The following B4GALT1 variants were observed in gnomAD, a reference collection of about 807,000 sequenced individuals.
The protein encoded by B4GALT1 is beta-1,4-galactosyltransferase 1.
In B4GALT1, 16 loss-of-function variants were observed where a neutral mutation model predicts 34.9. The observed-to-expected ratio is 0.46, with a 90% CI of 0.31 to 0.70. The LOEUF is 0.70. Ranked by LOEUF, B4GALT1 falls within the 30% of genes least tolerant of loss-of-function variation. B4GALT1 has a pLI of 0.05. For missense variants in B4GALT1, 445 were observed against 530.5 expected, an observed-to-expected ratio of 0.84 and a Z score of 1.58; for synonymous variants, 221 against 218.1, an observed-to-expected ratio of 1.01 and a Z score of -0.12.
intron 2 of B4GALT1, among the ~76,000 whole-genome samples, chr9:33,121,526 CTTT>C (rs35406954): frequency 0.06 from 7,810 of 130,666 alleles, 252 homozygotes; most frequent in Non-Finnish European, 0.07. Context: ...CCATGCCCGG[CTTT>C]TTTTTTTTTT....
At chr9:33,160,852 T>G (rs974615059) in intron 1 of B4GALT1, among the ~76,000 whole-genome samples, 2 of 152,184 alleles carry the variant, frequency 1.3e-5, no homozygotes, top group Non-Finnish European at 2.9e-5. Flanking sequence ...TTTTGGGTGA[T>G]AGGAATTTGG....
chr9:33,106,837 G>A (rs149110180), downstream of B4GALT1, among the ~76,000 whole-genome samples: 30 of 152,324 alleles, frequency 2.0e-4, no homozygotes, highest in African/African-American at 6.7e-4. Flanking sequence ...GAGACACAGA[G>A]AGGGGAACCA....
chr9:33,126,819 T>C (rs1482679642), intron 2 of B4GALT1, among the ~76,000 whole-genome samples: 1 of 152,174 alleles, frequency 6.6e-6, no homozygotes, highest in Non-Finnish European at 1.5e-5. Context: ...AGCATACCCT[T>C]GACCCCTGCC....
intron 1 of B4GALT1, among the ~76,000 whole-genome samples, chr9:33,154,288 C>A (rs1394608569): frequency 6.6e-6 from 1 of 152,098 alleles, no homozygotes; most frequent in Non-Finnish European, 1.5e-5. Context: ...TGACAAAACC[C>A]ATCACCTTTT....
rs534503236 is a variant in B4GALT1, at chr9:33,134,759, C to T, written c.648+430G>A. Among the ~76,000 whole-genome samples the T allele has an allele frequency of 3.6e-4, 55 of 152,286 alleles. No individual in the cohort carries two copies. The South Asian group carries it at 3.7e-3, about 10-fold the overall frequency. ...GAACTAAGGGCACTGTCTCCAGGTGCCCCAGGAGACACGCTCTGACTGACT... is the reference window on the plus strand; with the variant it reads ...GAACTAAGGGCACTGTCTCCAGGTGTCCCAGGAGACACGCTCTGACTGACT... On this transcript the variant is annotated intron_variant, in intron 2 of 5. Transcript: ENST00000379731.
rs1300939116 is a variant in B4GALT1 at position 33,167,020 on chromosome 9, C to T, written c.150G>A (p.Leu50=). 4 of 1,597,714 alleles carry T rather than the reference C, an allele frequency of 2.5e-6. No individual in the cohort carries two copies. The highest frequency in any genetic ancestry group is 3.4e-6 in the Non-Finnish European group (4 of 1,177,906). The change falls in exon 1 of 6, where the codon CTG becomes CTA. Residue 50 remains leucine (L), a synonymous_variant. Transcript: ENST00000379731. ...YYLAGRDLSR[L]PQLVGVSTPL... ...GTGTGGAGACTCCGACCAGTTGGGGCAGGCGGCTCAGGTCGCGGCCAGCCA... is the reference window on the plus strand; with the variant it reads ...GTGTGGAGACTCCGACCAGTTGGGGTAGGCGGCTCAGGTCGCGGCCAGCCA...
chr9:33,167,393 G>T, upstream of B4GALT1: 1 of 441,884 alleles, frequency 2.3e-6, no homozygotes, highest in Non-Finnish European at 3.6e-6. Context: ...CCCGGCGAAG[G>T]CGGGGGCGGG....
intron 1 of B4GALT1, among the ~76,000 whole-genome samples, chr9:33,160,291 G>C (rs1840655643): frequency 6.6e-6 from 1 of 152,194 alleles, no homozygotes; most frequent in South Asian, 2.1e-4. Context: ...GTATATGTGT[G>C]TGTTCAGCAA....
At chr9:33,145,992 C>T (rs1199223629) in intron 1 of B4GALT1, among the ~76,000 whole-genome samples, 1 of 152,196 alleles carries the variant, frequency 6.6e-6, no homozygotes, top group East Asian at 1.9e-4. Context: ...CATGGGGAAA[C>T]CTCTGGGAGA....
At chr9:33,137,467 C>T (rs1397068319) in intron 1 of B4GALT1, among the ~76,000 whole-genome samples, 1 of 152,168 alleles carries the variant, frequency 6.6e-6, no homozygotes, top group African/African-American at 2.4e-5. Flanking sequence ...AGCTCAGTCC[C>T]TTATAAGACT....
chr9:33,118,399 C>T (rs1313035970), intron 3 of B4GALT1, among the ~76,000 whole-genome samples: 1 of 152,080 alleles, frequency 6.6e-6, no homozygotes, highest in Non-Finnish European at 1.5e-5. Context: ...GTAGTTCATG[C>T]CTGTCATCCC....
chr9:33,140,485 A>C (rs1329894990), intron 1 of B4GALT1, among the ~76,000 whole-genome samples: 4 of 135,050 alleles, frequency 3.0e-5, no homozygotes, highest in Non-Finnish European at 6.3e-5. Context: ...CTGATTTTTA[A>C]AATTTAATTT....
intron 2 of B4GALT1, among the ~76,000 whole-genome samples, chr9:33,121,526 C>CTTT (rs35406954): frequency 1.5e-5 from 2 of 130,746 alleles, no homozygotes; most frequent in Non-Finnish European, 1.6e-5. Context: ...CCATGCCCGG[C>CTTT]TTTTTTTTTT....
rs1445343007 is a variant in B4GALT1 at position 33,115,976 on chromosome 9, A to G, written c.959+15T>C. The G allele has an allele frequency of 1.2e-6, 2 of 1,608,000 alleles. No individual in the cohort carries two copies. Among genetic ancestry groups the G allele is most frequent in the Admixed American group, 1.7e-5 (1 of 59,824 alleles). ...GGTTGACAGAGGAGAAAGATATCTAAGTTATGACCATTACCTGTTAAAAAT... is the reference window on the plus strand; with the variant it reads ...GGTTGACAGAGGAGAAAGATATCTAGGTTATGACCATTACCTGTTAAAAAT... On this transcript the variant is annotated intron_variant, in intron 4 of 5. Coordinates refer to ENST00000379731, the MANE Select transcript of B4GALT1 (RefSeq NM_001497.4).
chr9:33,175,509 T>G, the B4GALT1 span, among the ~76,000 whole-genome samples: 1 of 152,264 alleles, frequency 6.6e-6, no homozygotes, highest in East Asian at 1.9e-4. Context: ...TCAAATACCA[T>G]GATGTGCCAC....
chr9:33,114,782 C>G (rs1839915843), intron 4 of B4GALT1, among the ~76,000 whole-genome samples: 1 of 152,218 alleles, frequency 6.6e-6, no homozygotes, highest in African/African-American at 2.4e-5. Flanking sequence ...CTGGCCTTGC[C>G]TGGCACACAG....
intron 2 of B4GALT1, among the ~76,000 whole-genome samples, chr9:33,127,369 C>T (rs1414971694): frequency 1.3e-5 from 2 of 152,222 alleles, no homozygotes; most frequent in African/African-American, 4.8e-5. Flanking sequence ...GCAGATATAT[C>T]AAGACAGTGG....
chr9:33,114,097 G>A (rs929689064), intron 4 of B4GALT1, among the ~76,000 whole-genome samples: 20 of 152,202 alleles, frequency 1.3e-4, no homozygotes, highest in Admixed American at 1.2e-3. Flanking sequence ...TTGTGGTGTT[G>A]ACTACCATGT....
In B4GALT1 at chr9:33,135,468, C is replaced by T. The variant is rs368271573; in HGVS notation, c.413-44G>A. 2.4e-5 allele frequency: 38 copies of T among 1,565,924 alleles called. No individual in the cohort carries two copies. The African/African-American group carries it at 3.4e-4, about 14-fold the overall frequency. ...GGAGAAGTTAGCAGGCCACAGGACT[C>T]GCCACCGCTCCACAGGCTGCATCAG... is the stretch of plus-strand genomic sequence containing the variant. On this transcript the variant is annotated intron_variant, in intron 1 of 5. Coordinates refer to ENST00000379731, the MANE Select transcript of B4GALT1 (RefSeq NM_001497.4).
Sources: allele counts gnomAD v4.1 joint callset (sites outside exome capture counted in the v4.1 genomes callset), GRCh38; gene constraint gnomAD v4.1.1; transcripts MANE v1.5; gene names NCBI Gene and HGNC (gene_info 2026-07-23, HGNC 2026-07-21).